Variants in ADGRL3 observed in about 807,000 individuals in gnomAD.
ADGRL3 encodes calcium-independent alpha-latrotoxin receptor 3.
In ADGRL3, 62 loss-of-function variants were observed where a neutral mutation model predicts 153.5. The ratio of observed to expected loss-of-function variants is 0.40; its 90% CI spans 0.33 to 0.50. The LOEUF is 0.50. Ranked by LOEUF, ADGRL3 falls within the 20% of genes least tolerant of loss-of-function variation. The pLI, the probability that ADGRL3 is intolerant of heterozygous loss-of-function variation, is 0.47. For missense variants in ADGRL3, 1,641 were observed against 1,859.4 expected (o/e 0.88, Z 2.16); for synonymous variants, 710 against 672.5 (o/e 1.06, Z -0.86).
Position 61,733,397 on chromosome 4 carries a change from C to G in ADGRL3, c.1242C>G (p.Asp414Glu). The G allele has an allele frequency of 6.2e-7, 1 of 1,613,714 alleles. No individual in the cohort carries two copies. Among genetic ancestry groups the G allele is most frequent in the South Asian group, 1.1e-5 (1 of 91,064 alleles). Residue 414 changes from aspartate (D) to glutamate (E), a missense_variant, in exon 8 of 27, where the codon GAC (aspartate) becomes GAG (glutamate). This residue lies in a region of ADGRL3 where 734 missense variants were observed against 797.0 expected (regional missense o/e 0.92). Coordinates refer to ENST00000683033, the MANE Select transcript of ADGRL3 (RefSeq NM_001387552.1). ...AGATTGACTACATTTACAACACTGACCAAAGCAAGGATAGTTTGGTGGATG... is the reference window on the plus strand; with the variant it reads ...AGATTGACTACATTTACAACACTGAGCAAAGCAAGGATAGTTTGGTGGATG... ...GNKIDYIYNT[D>E]QSKDSLVDVP...
At chr4:61,765,710 A>T (rs896667825) in intron 8 of ADGRL3, among the ~76,000 whole-genome samples, 2 of 152,178 alleles carry the variant, frequency 1.3e-5, no homozygotes, top group African/African-American at 4.8e-5. Context: ...GCCTCTACCT[A>T]TCCAGTGAAA....
intron 1 of ADGRL3, among the ~76,000 whole-genome samples, chr4:61,214,816 T>C (rs1397971642): frequency 6.6e-6 from 1 of 152,086 alleles, no homozygotes; most frequent in Non-Finnish European, 1.5e-5. Context: ...TGCATGCCCA[T>C]AGTTCCAGCT....
intron 8 of ADGRL3, among the ~76,000 whole-genome samples, chr4:61,753,415 G>C (rs937580972): frequency 2.0e-5 from 3 of 152,158 alleles, no homozygotes; most frequent in Admixed American, 6.5e-5. Context: ...GAATGCCTCT[G>C]GTGATGAAAG....
intron 4 of ADGRL3, among the ~76,000 whole-genome samples, chr4:61,533,146 A>T (rs943338024): frequency 1.3e-5 from 2 of 152,204 alleles, no homozygotes; most frequent in African/African-American, 4.8e-5. Flanking sequence ...TTTCTGGCCA[A>T]TGAAGACCCA....
chr4:61,447,155 G>A (rs1384811226), intron 2 of ADGRL3, among the ~76,000 whole-genome samples: 1 of 151,936 alleles, frequency 6.6e-6, no homozygotes, highest in African/African-American at 2.4e-5. Flanking sequence ...AAACACCAGG[G>A]GTCTTGGTTT....
intron 5 of ADGRL3, among the ~76,000 whole-genome samples, chr4:61,651,189 T>C (rs1383001409): frequency 6.6e-6 from 1 of 152,140 alleles, no homozygotes; most frequent in Non-Finnish European, 1.5e-5. Context: ...AAATTGTTAA[T>C]TGTCCATTAA....
In ADGRL3 at chr4:61,497,367, T is replaced by C; in HGVS notation, c.55+19T>C. On this transcript the variant is annotated intron_variant, in intron 3 of 26. Coordinates refer to ENST00000683033, the MANE Select transcript of ADGRL3 (RefSeq NM_001387552.1). Reference sequence around the variant, plus strand: ...ATTCATGGTAAGATTTTTCAGATTTTTGTGTAATGCTTAATGTTGTCTCAC... The same window carrying C: ...ATTCATGGTAAGATTTTTCAGATTTCTGTGTAATGCTTAATGTTGTCTCAC... 6.4e-7 allele frequency: 1 copy of C among 1,558,906 alleles called. No individual in the cohort carries two copies. The highest frequency in any genetic ancestry group is 8.8e-7 in the Non-Finnish European group (1 of 1,138,328).
intron 4 of ADGRL3, among the ~76,000 whole-genome samples, chr4:61,563,789 C>A (rs867658845): frequency 3.9e-5 from 6 of 152,092 alleles, no homozygotes; most frequent in African/African-American, 4.8e-5. Flanking sequence ...GCGGGCAGAT[C>A]ACAAGGTCAA....
chr4:61,468,698 G>A (rs1467173636), intron 2 of ADGRL3, among the ~76,000 whole-genome samples: 18 of 152,044 alleles, frequency 1.2e-4, no homozygotes, highest in Non-Finnish European at 1.5e-5. Flanking sequence ...AGACACCATG[G>A]TTTCTTGTTT....
intron 9 of ADGRL3, among the ~76,000 whole-genome samples, chr4:61,889,332 G>A (rs971983339): frequency 2.6e-5 from 4 of 152,208 alleles, no homozygotes; most frequent in Admixed American, 1.3e-4. Context: ...AGAAAGAACA[G>A]GGTGCAGCTG....
chr4:61,810,112 C>A (rs1024183038), intron 8 of ADGRL3, among the ~76,000 whole-genome samples: 1 of 152,018 alleles, frequency 6.6e-6, no homozygotes. Context: ...GTAAACCTAG[C>A]GTTATGGGGA....
chr4:61,919,628 T>G (rs1412946227), intron 13 of ADGRL3, among the ~76,000 whole-genome samples: 1 of 152,160 alleles, frequency 6.6e-6, no homozygotes. Flanking sequence ...TAAAATCATA[T>G]GTAATGTAAG....
At chr4:61,224,818 C>T (rs979066772) in intron 1 of ADGRL3, among the ~76,000 whole-genome samples, 3 of 152,202 alleles carry the variant, frequency 2.0e-5, no homozygotes, top group African/African-American at 7.2e-5. Context: ...TTCTCACTGA[C>T]TTATCTGAGT....
chr4:61,541,016 A>G (rs1560809265), intron 4 of ADGRL3, among the ~76,000 whole-genome samples: 1 of 152,222 alleles, frequency 6.6e-6, no homozygotes, highest in Non-Finnish European at 1.5e-5. Context: ...TGAGGAGGTA[A>G]GGAGCCAGAG....
At chr4:61,737,297 C>T (rs749213416) in intron 8 of ADGRL3, among the ~76,000 whole-genome samples, 16 of 152,110 alleles carry the variant, frequency 1.1e-4, no homozygotes, top group Non-Finnish European at 1.6e-4. Context: ...AATGAAAAAT[C>T]ATTCTTTTGA....
At chr4:61,211,675 A>T (rs527347025) in intron 1 of ADGRL3, 1 of 152,312 alleles carries the variant, frequency 6.6e-6, no homozygotes, top group African/African-American at 2.4e-5. Context: ...CACTTCACCA[A>T]CAAAACCCAA....
At chr4:62,001,725 G>A (rs2099140985) in intron 21 of ADGRL3, among the ~76,000 whole-genome samples, 1 of 152,088 alleles carries the variant, frequency 6.6e-6, no homozygotes, top group South Asian at 2.1e-4. Context: ...TAGTAAATGT[G>A]AGAGTGTTCG....
At chr4:61,481,412 C>T (rs953266094) in intron 2 of ADGRL3, among the ~76,000 whole-genome samples, 8 of 151,772 alleles carry the variant, frequency 5.3e-5, no homozygotes, top group East Asian at 1.9e-4. Context: ...TCTAAAAGGC[C>T]GAAAAGAGCC....
chr4:61,295,819 G>T (rs1236612926), intron 1 of ADGRL3, among the ~76,000 whole-genome samples: 1 of 143,952 alleles, frequency 6.9e-6, no homozygotes, highest in African/African-American at 2.5e-5. Flanking sequence ...AAAAAAAAAA[G>T]AAAAAAGTCC....
Sources: gnomAD v4.1 joint callset for allele counts (sites outside exome capture counted in the v4.1 genomes callset) on GRCh38, gnomAD v4.1.1 for gene constraint, gnomAD v4.1.1 regional missense constraint, MANE v1.5 for transcripts, NCBI Gene and HGNC (gene_info 2026-07-23, HGNC 2026-07-21) for gene names.